SLC25A38: variants seen among roughly 807,000 people sequenced by gnomAD.
SLC25A38 encodes the protein solute carrier family 25 member 38.
In SLC25A38, 27 loss-of-function variants were observed where a neutral mutation model predicts 33.4. That is an observed-to-expected ratio of 0.81 (90% CI 0.60 to 1.11). The LOEUF (loss-of-function observed/expected upper bound fraction) is 1.11, where lower values mean the gene tolerates loss of function less well. Ranked by LOEUF, SLC25A38 falls within the 50% of genes most tolerant of loss-of-function variation. SLC25A38 has a pLI of 0.00. For synonymous variants in SLC25A38, 123 were observed against 145.9 expected, an observed-to-expected ratio of 0.84 and a Z score of 1.13; for missense variants, 344 against 388.8, an observed-to-expected ratio of 0.88 and a Z score of 0.97.
rs564991095 is a variant in SLC25A38, at chr3:39,394,295, C to T, written c.626-115C>T. The T allele has an allele frequency of 2.8e-4, 374 of 1,316,004 alleles. 2 individuals carry two copies. The highest frequency in any genetic ancestry group is 3.4e-4 in the Admixed American group (20 of 58,792). 81.5% of individuals were successfully genotyped at this position (1,316,004 alleles called of 1,614,324 possible). On this transcript the variant is annotated intron_variant, in intron 5 of 6. Transcript: ENST00000650617. The stretch of plus-strand genomic sequence containing the variant: ...CACCTTTAAGTTTTGAATTCGTAGC[C>T]TCATTTGAATCCAGACCTTTCTTGG...
At position 39,396,223 on chromosome 3, in the gene SLC25A38, A is replaced by T. The variant is rs73058289; in HGVS notation, c.793-175A>T. On this transcript the variant is annotated intron_variant, in intron 6 of 6. Transcript: ENST00000650617. The stretch of plus-strand genomic sequence containing the variant: ...AGACTCTGCCTCGGAAAAAAAAAAA[A>T]TTTTTTTTAAGTTCTTTGGTTGTCT... Among the ~76,000 whole-genome samples, 16,988 of 150,762 alleles carry T rather than the reference A, an allele frequency of 0.11. 1,229 individuals are homozygous for T. The highest frequency in any genetic ancestry group is 0.18 in the Middle Eastern group (53 of 294).
In SLC25A38 at chr3:39,396,438, G is replaced by A. The variant is rs1324537818; in HGVS notation, c.833G>A (p.Arg278Gln). Reference sequence around the variant, plus strand: ...GGCTTCTTCCAAGGTGGCATCCCCCGAGCCCTCCGCAGAACTCTAATGGCA... The same window carrying A: ...GGCTTCTTCCAAGGTGGCATCCCCCAAGCCCTCCGCAGAACTCTAATGGCA... ...LRGFFQGGIPRALRRTLMAAM... is the reference protein window; with the variant it reads ...LRGFFQGGIPQALRRTLMAAM... Residue 278 changes from arginine to glutamine, a missense_variant, in exon 7 of 7, where the codon CGA (arginine) becomes CAA (glutamine). Around this residue, in one of 2 missense-constraint regions of SLC25A38, gnomAD observed 75 missense variants for 117.0 expected, o/e 0.64. Coordinates refer to ENST00000650617, the MANE Select transcript of SLC25A38 (RefSeq NM_017875.4). 7 of 1,614,068 alleles carry A rather than the reference G, an allele frequency of 4.3e-6. No individual in the cohort carries two copies. Among genetic ancestry groups the A allele is most frequent in the African/African-American group, 1.3e-5 (1 of 74,996 alleles).
chr3:39,389,985 G>A lies in SLC25A38; in HGVS notation c.191+369G>A, dbSNP rs1318749739. Among the ~76,000 whole-genome samples the A allele has an allele frequency of 1.3e-5, 2 of 152,194 alleles. No homozygotes were observed. The highest frequency in any genetic ancestry group is 4.8e-5 in the African/African-American group (2 of 41,438). On this transcript the variant is annotated intron_variant, in intron 2 of 6. Transcript: ENST00000650617. The surrounding 1 kb of genome is among the most constrained non-coding windows in gnomAD (Gnocchi z 4.5). ...AGGCAGATGCTCGCTCTGTTGCCCA[G>A]ATTGGAGTGCAGAGGTGCGATCTCA...
In SLC25A38 at chr3:39,383,399, G is replaced by T; in HGVS notation, c.-326G>T. ...TTCCTCCGGCGCTTCCTCCACCCCG[G>T]GATACACAGAACCTCATCTCCTACG... On this transcript the variant is annotated 5_prime_UTR_variant, in exon 1 of 7. Transcript: ENST00000650617. 1 of 353,888 alleles carries T rather than the reference G, an allele frequency of 2.8e-6. No individual in the cohort carries two copies. Among genetic ancestry groups the T allele is most frequent in the Non-Finnish European group, 5.4e-6 (1 of 186,254 alleles). 21.9% of individuals were successfully genotyped at this position (353,888 alleles called of 1,614,324 possible).
chr3:39,391,761 C>T (rs2041771714), intron 4 of SLC25A38, 92 bp from the exon 5 acceptor site: 12 of 1,600,786 alleles, frequency 7.5e-6, no homozygotes, highest in African/African-American at 5.4e-5. Flanking sequence ...GAACTAGATC[C>T]CATGGTAATG....
chr3:39,393,404 G>A (rs1156305825), intron 5 of SLC25A38, among the ~76,000 whole-genome samples: 1 of 152,142 alleles, frequency 6.6e-6, no homozygotes, highest in Non-Finnish European at 1.5e-5. Flanking sequence ...GAAACATGAT[G>A]CCCTTTTAAC....
Position 39,384,295 on chromosome 3 carries a change from C to A in SLC25A38, c.69+502C>A, listed in dbSNP as rs1179168130. On this transcript the variant is annotated intron_variant, in intron 1 of 6. Transcript: ENST00000650617. Reference sequence around the variant, plus strand: ...CCAGCCTGTTGGGACGGCGCGTGGTCCCCCAGCGACGCCACGCCTCCTCCG... The same window carrying A: ...CCAGCCTGTTGGGACGGCGCGTGGTACCCCAGCGACGCCACGCCTCCTCCG... The A allele has an allele frequency of 2.0e-5, 4 of 203,122 alleles. No individual in the cohort carries two copies. The East Asian group carries it at 3.3e-4, about 17-fold the overall frequency. The allele number at this position is 203,122 out of a possible 1,614,324, so 12.6% of individuals were successfully genotyped here.
Position 39,389,516 on chromosome 3 carries a change from T to C in SLC25A38, c.91T>C (p.Phe31Leu). 1.2e-6 allele frequency: 2 copies of C among 1,614,188 alleles called. No individual in the cohort carries two copies. The highest frequency in any genetic ancestry group is 1.7e-6 in the Non-Finnish European group (2 of 1,180,032). Residue 31 changes from phenylalanine to leucine, a missense_variant, in exon 2 of 7, where the codon TTC becomes CTC. Coordinates refer to ENST00000650617, the MANE Select transcript of SLC25A38 (RefSeq NM_017875.4). The surrounding 1 kb of genome is among the most constrained non-coding windows in gnomAD (Gnocchi z 4.5). ...GCAGTTACATCCGGTGATCAAGGCT[T>C]TCCTGTGTGGCTCCATCAGTGGGAC... is the stretch of plus-strand genomic sequence containing the variant. ...TLMLHPVIKAFLCGSISGTCS... is the reference protein window; with the variant it reads ...TLMLHPVIKALLCGSISGTCS...
Position 39,390,446 on chromosome 3 carries a change from C to T in SLC25A38, c.215C>T (p.Ala72Val). 5 of 1,614,176 alleles carry T rather than the reference C, an allele frequency of 3.1e-6. No individual in the cohort carries two copies. The South Asian group carries it at 5.5e-5, about 18-fold the overall frequency. The stretch of plus-strand genomic sequence containing the variant: ...AGGTCTAGACGTGTTGGGATGTTGG[C>T]TGTACTCTTGAAGGTGGTTCGCACG... Reference protein sequence around the residue: ...DHGSRRVGMLAVLLKVVRTES... With the variant: ...DHGSRRVGMLVVLLKVVRTES... The change falls in exon 3 of 7, where the codon GCT becomes GTT. Residue 72 changes from alanine (A) to valine (V), a missense_variant. Coordinates refer to ENST00000650617, the MANE Select transcript of SLC25A38 (RefSeq NM_017875.4).
Position 39,389,617 on chromosome 3 carries a change from G to A in SLC25A38, c.191+1G>A. On this transcript the variant is annotated splice_donor_variant, in intron 2 of 6. Transcript: ENST00000650617. LOFTEE classifies it high-confidence loss of function. This position sits in a 1 kb window ranked among gnomAD's most constrained non-coding sequence, Gnocchi z 4.5. The stretch of plus-strand genomic sequence containing the variant: ...AAACCCTCCAGCCCTCAGATCATGG[G>A]TAGGCCCTGCATTTCATTGGGGAAC... The A allele has an allele frequency of 2.5e-6, 4 of 1,614,148 alleles. No individual in the cohort carries two copies. Among genetic ancestry groups the A allele is most frequent in the Non-Finnish European group, 3.4e-6 (4 of 1,180,022 alleles).
At chr3:39,391,354 T>C (rs1575245166) in intron 3 of SLC25A38, 87 bp from the exon 4 acceptor site, 2 of 1,584,440 alleles carry the variant, frequency 1.3e-6, no homozygotes, top group Non-Finnish European at 1.7e-6. Context: ...ATGCGAATCA[T>C]CTTGGGGTCT....
intron 5 of SLC25A38, among the ~76,000 whole-genome samples, chr3:39,392,790 C>G (rs2041786980): frequency 6.6e-6 from 1 of 152,176 alleles, no homozygotes. Flanking sequence ...CTATGGGGAC[C>G]AGCTACAGCT....
intron 6 of SLC25A38, among the ~76,000 whole-genome samples, chr3:39,394,962 GAAAA>G (rs34805179): frequency 6.8e-6 from 1 of 147,862 alleles, no homozygotes; most frequent in African/African-American, 2.5e-5. Context: ...TAGTCAGAGG[GAAAA>G]AAAAAACCCA....
chr3:39,396,355 T>A (rs754334425), intron 6 of SLC25A38, 43 bp from the exon 7 acceptor site: 25 of 1,613,928 alleles, frequency 1.5e-5, no homozygotes, highest in Non-Finnish European at 1.8e-5. Flanking sequence ...TTAATTGTAT[T>A]GCTACTTTGC....
chr3:39,389,466 T>C lies in SLC25A38; in HGVS notation c.70-29T>C. The C allele has an allele frequency of 6.2e-7, 1 of 1,614,238 alleles. No homozygotes were observed. The highest frequency in any genetic ancestry group is 8.5e-7 in the Non-Finnish European group (1 of 1,180,042). ...AAGGTGAGGCTCACACAGGCAGAGCTACTGACACAATATTGTCTTATCCTG... is the reference window on the plus strand; with the variant it reads ...AAGGTGAGGCTCACACAGGCAGAGCCACTGACACAATATTGTCTTATCCTG... On this transcript the variant is annotated intron_variant, in intron 1 of 6. Transcript: ENST00000650617. This position sits in a 1 kb window ranked among gnomAD's most constrained non-coding sequence, Gnocchi z 4.5.
In SLC25A38 at chr3:39,396,806, A is replaced by G; in HGVS notation, c.*286A>G. ...ACTTGGAAAGGCATTTTCCCAGGAG[A>G]GCTCTGTCAGGTGGCTGCGCTTCAG... On this transcript the variant is annotated 3_prime_UTR_variant, in exon 7 of 7. Transcript: ENST00000650617. 1 of 444,976 alleles carries G rather than the reference A, an allele frequency of 2.2e-6. No homozygotes were observed. The highest frequency in any genetic ancestry group is 4.2e-6 in the Non-Finnish European group (1 of 240,840). 27.6% of individuals were successfully genotyped at this position (444,976 alleles called of 1,614,324 possible).
Position 39,389,671 on chromosome 3 carries a change from A to G in SLC25A38, c.191+55A>G. The G allele has an allele frequency of 6.2e-7, 1 of 1,613,798 alleles. No individual in the cohort carries two copies. The highest frequency in any genetic ancestry group is 8.5e-7 in the Non-Finnish European group (1 of 1,179,822). On this transcript the variant is annotated intron_variant, in intron 2 of 6. Transcript: ENST00000650617. The surrounding 1 kb of genome is among the most constrained non-coding windows in gnomAD (Gnocchi z 4.5). Reference sequence around the variant, plus strand: ...TTTCAGCAACTTCTCAGACACAGGAACATCTTTACTGTGTTAAGTCAACTT... The same window carrying G: ...TTTCAGCAACTTCTCAGACACAGGAGCATCTTTACTGTGTTAAGTCAACTT...
In SLC25A38 at chr3:39,389,615, G is replaced by T; in HGVS notation, c.190G>T (p.Gly64Trp). The T allele has an allele frequency of 6.2e-7, 1 of 1,614,162 alleles. No individual in the cohort carries two copies. Among genetic ancestry groups the T allele is most frequent in the Non-Finnish European group, 8.5e-7 (1 of 1,180,018 alleles). Residue 64 changes from glycine to tryptophan, a missense_variant and splice_region_variant, in exon 2 of 7, where the codon GGG becomes TGG. Physicochemically the swap from Gly to Trp is radical, Grantham distance 184. Around this residue, in one of 2 missense-constraint regions of SLC25A38, gnomAD observed 269 missense variants for 271.8 expected, o/e 0.99. Transcript: ENST00000650617. This position sits in a 1 kb window ranked among gnomAD's most constrained non-coding sequence, Gnocchi z 4.5. ...GCAAACCCTCCAGCCCTCAGATCAT[G>T]GGTAGGCCCTGCATTTCATTGGGGA... ...RLQTLQPSDH[G>W]SRRVGMLAVL...
chr3:39,391,697 A>G, intron 4 of SLC25A38, 77 bp downstream of exon 4: 1 of 1,607,870 alleles, frequency 6.2e-7, no homozygotes. Flanking sequence ...ACCGATGTCA[A>G]CTCCTGATTT....
Sources: allele counts gnomAD v4.1 joint callset (sites outside exome capture counted in the v4.1 genomes callset), GRCh38; gene constraint gnomAD v4.1.1; regional missense constraint gnomAD v4.1.1; non-coding constraint Gnocchi (gnomAD v3.1); transcripts MANE v1.5; gene names NCBI Gene and HGNC (gene_info 2026-07-23, HGNC 2026-07-21).